SIM1: variants seen among roughly 807,000 people sequenced by gnomAD.
SIM1 encodes the protein SIM bHLH transcription factor 1.
In SIM1, 18 loss-of-function variants were observed where a neutral mutation model predicts 78.2. That is an observed-to-expected ratio of 0.23 (90% CI 0.16 to 0.34). The LOEUF is 0.34. Among genes scored for constraint, SIM1 ranks in the 10% least tolerant of loss-of-function variants. The pLI, the probability that SIM1 is intolerant of heterozygous loss-of-function variation, is 1.00. For missense variants in SIM1, 939 were observed against 975.1 expected, an observed-to-expected ratio of 0.96 and a Z score of 0.49; for synonymous variants, 417 against 385.2, an observed-to-expected ratio of 1.08 and a Z score of -0.97.
At chr6:100,463,236 C>T (rs1772900648) in intron 2 of SIM1, 58 bp downstream of exon 2, 3 of 1,481,538 alleles carry the variant, frequency 2.0e-6, no homozygotes, top group Non-Finnish European at 2.8e-6. Flanking sequence ...CGGCTCATTG[C>T]CTGGCAAATC....
Position 100,463,551 on chromosome 6 carries a change from A to C in SIM1, c.-83T>G. ...AAAAATAAACTTTCAATTAGAGATC[A>C]TATTTGGCAAAAACATAAAACATAC... On this transcript the variant is annotated 5_prime_UTR_variant, in exon 2 of 12. The change abolishes an upstream ATG in the 5' untranslated region. Transcript: ENST00000369208. The C allele has an allele frequency of 7.5e-7, 1 of 1,326,962 alleles. No individual in the cohort carries two copies. The highest frequency in any genetic ancestry group is 1.0e-6 in the Non-Finnish European group (1 of 957,118). The allele number at this position is 1,326,962 out of a possible 1,614,324, so 82.2% of individuals were successfully genotyped here.
chr6:100,449,539 C>A (rs755168980), intron 5 of SIM1, 52 bp downstream of exon 5: 3 of 1,593,220 alleles, frequency 1.9e-6, no homozygotes, highest in African/African-American at 1.3e-5. Flanking sequence ...TGGGGAAAAA[C>A]CACAAGCGGA....
At position 100,409,766 on chromosome 6, in the gene SIM1, T is replaced by G. The variant is rs531217228; in HGVS notation, c.1167+11024A>C. ...TCATCTCAAGATATTTTTTATTTCT[T>G]TTTTTATTTATTCTCTGATTCATTG... On this transcript the variant is annotated intron_variant, in intron 10 of 11. Coordinates refer to ENST00000369208, the MANE Select transcript of SIM1 (RefSeq NM_005068.3). Among the ~76,000 whole-genome samples, 45 of 152,278 alleles carry G rather than the reference T, an allele frequency of 3.0e-4. 1 individual carries two copies. In the East Asian group the frequency reaches 8.3e-3, roughly 28 times the overall value.
intron 10 of SIM1, among the ~76,000 whole-genome samples, chr6:100,420,140 T>C (rs138501408): frequency 6.6e-6 from 1 of 152,362 alleles, no homozygotes; most frequent in East Asian, 1.9e-4. Context: ...GTCTAGTTTA[T>C]ATGTCTGTGA....
At chr6:100,451,444 A>G (rs759976554) in intron 3 of SIM1, among the ~76,000 whole-genome samples, 14 of 152,348 alleles carry the variant, frequency 9.2e-5, no homozygotes, top group African/African-American at 9.6e-5. Flanking sequence ...TGAAATGTCA[A>G]TTTGAGAAAC....
intron 9 of SIM1, among the ~76,000 whole-genome samples, chr6:100,441,423 C>T (rs760806553): frequency 6.6e-6 from 1 of 152,180 alleles, no homozygotes; most frequent in Non-Finnish European, 1.5e-5. Context: ...TCATCCCATC[C>T]CCATGGGGAT....
At chr6:100,448,713 C>T (rs776557373) in intron 6 of SIM1, 35 bp from the exon 7 acceptor site, 30 of 1,586,728 alleles carry the variant, frequency 1.9e-5, no homozygotes, top group Non-Finnish European at 2.6e-5. Flanking sequence ...GACTCAGCCA[C>T]AGGTAGGAAG....
At chr6:100,416,333 G>C (rs991906014) in intron 10 of SIM1, among the ~76,000 whole-genome samples, 1 of 151,772 alleles carries the variant, frequency 6.6e-6, no homozygotes, top group African/African-American at 2.4e-5. Context: ...CCAAAAAGCA[G>C]TGTTACTGTC....
At position 100,428,938 on chromosome 6, in the gene SIM1, C is replaced by T. The variant is rs1246164079; in HGVS notation, c.999-7980G>A. Among the ~76,000 whole-genome samples, 5 of 152,184 alleles carry T rather than the reference C, an allele frequency of 3.3e-5. No individual in the cohort carries two copies. The South Asian group carries it at 1.0e-3, about 32-fold the overall frequency. Reference sequence around the variant, plus strand: ...TTTCTTAAAATATCTGATTGTATTGCACTCACTTATTGTTGGACTACAGTT... The same window carrying T: ...TTTCTTAAAATATCTGATTGTATTGTACTCACTTATTGTTGGACTACAGTT... On this transcript the variant is annotated intron_variant, in intron 9 of 11. Coordinates refer to ENST00000369208, the MANE Select transcript of SIM1 (RefSeq NM_005068.3).
chr6:100,434,839 C>T (rs552787202), intron 9 of SIM1, among the ~76,000 whole-genome samples: 9 of 152,230 alleles, frequency 5.9e-5, no homozygotes, highest in East Asian at 5.8e-4. Flanking sequence ...CATATTAGCA[C>T]GCTTTACTGA....
chr6:100,391,701 TA>T (rs1434166065), intron 11 of SIM1, among the ~76,000 whole-genome samples: 32 of 152,224 alleles, frequency 2.1e-4, no homozygotes, highest in African/African-American at 7.7e-4. Context: ...AGGTTAAAAA[TA>T]TACATCTATT....
chr6:100,421,042 C>T (rs1483419669), intron 9 of SIM1, 84 bp from the exon 10 acceptor site: 17 of 1,413,380 alleles, frequency 1.2e-5, no homozygotes, highest in South Asian at 4.3e-5. Flanking sequence ...GATAGTAATC[C>T]GAATTTGAAA....
chr6:100,454,553 G>A (rs1010003570), intron 2 of SIM1, among the ~76,000 whole-genome samples: 4 of 151,808 alleles, frequency 2.6e-5, no homozygotes, highest in African/African-American at 9.7e-5. Context: ...TTTTTCTGAA[G>A]TCAGTTACTT....
intron 4 of SIM1, 34 bp downstream of exon 4, chr6:100,450,233 C>A: frequency 6.4e-7 from 1 of 1,568,704 alleles, no homozygotes; most frequent in Non-Finnish European, 8.8e-7. Context: ...TGGCTGTAAA[C>A]ACTGCAGGTG....
chr6:100,454,652 A>G (rs754968296), intron 2 of SIM1, among the ~76,000 whole-genome samples: 2 of 152,132 alleles, frequency 1.3e-5, no homozygotes, highest in African/African-American at 2.4e-5. Context: ...ACTGTATTCT[A>G]TTAACAAAGA....
At chr6:100,436,337 T>G (rs1438695127) in intron 9 of SIM1, among the ~76,000 whole-genome samples, 2 of 152,146 alleles carry the variant, frequency 1.3e-5, no homozygotes, top group Non-Finnish European at 2.9e-5. Context: ...ACATAATAGG[T>G]GTTCAATAAG....
chr6:100,418,176 A>G (rs1386074560), intron 10 of SIM1, among the ~76,000 whole-genome samples: 1 of 152,000 alleles, frequency 6.6e-6, no homozygotes, highest in Non-Finnish European at 1.5e-5. Context: ...TCCCATGTCT[A>G]CAAAAATTAA....
chr6:100,405,908 T>C (rs1422900231), intron 10 of SIM1, among the ~76,000 whole-genome samples: 1 of 152,174 alleles, frequency 6.6e-6, no homozygotes, highest in Non-Finnish European at 1.5e-5. Flanking sequence ...AGGAATCTCC[T>C]ATAGGATTCC....
In SIM1 at chr6:100,420,916, G is replaced by T; in HGVS notation, c.1041C>A (p.Ile347=). ...AGGAGAAGGCTGGTTTGGAGGCTGA[G>T]ATCTGATCCAGGGAGAGCTGCAGCC... ...YKGLQLSLDQ[I]SASKPAFSYT... Residue 347 remains isoleucine, a synonymous_variant, in exon 10 of 12, where the codon ATC becomes ATA. Transcript: ENST00000369208. The T allele has an allele frequency of 1.2e-6, 2 of 1,613,918 alleles. No homozygotes were observed. Among genetic ancestry groups the T allele is most frequent in the Non-Finnish European group, 1.7e-6 (2 of 1,179,942 alleles).
Sources: gnomAD v4.1 joint callset for allele counts (sites outside exome capture counted in the v4.1 genomes callset) on GRCh38, gnomAD v4.1.1 for gene constraint, MANE v1.5 for transcripts, NCBI Gene and HGNC (gene_info 2026-07-23, HGNC 2026-07-21) for gene names.